TGM6: variants seen among roughly 807,000 people sequenced by gnomAD.
The protein encoded by TGM6 is protein-glutamine gamma-glutamyltransferase 6.
A neutral mutation model predicts 77.5 loss-of-function variants in TGM6; 74 were observed. The ratio of observed to expected loss-of-function variants is 0.96; its 90% CI spans 0.79 to 1.16. The LOEUF is 1.16. Among genes scored for constraint, TGM6 ranks in the 50% most tolerant of loss-of-function variants. The pLI, the probability that TGM6 is intolerant of heterozygous loss-of-function variation, is 0.00. For missense variants in TGM6, 968 were observed against 940.2 expected, an observed-to-expected ratio of 1.03 and a Z score of -0.39; for synonymous variants, 383 against 378.9, an observed-to-expected ratio of 1.01 and a Z score of -0.12.
At chr20:2,398,142 T>C in intron 5 of TGM6, 96 bp downstream of exon 5, 1 of 1,600,296 alleles carries the variant, frequency 6.2e-7, no homozygotes, top group Non-Finnish European at 8.5e-7. Flanking sequence ...CACCCCTTGT[T>C]TTAATTCGCT....
In TGM6 at chr20:2,397,928, A is replaced by G; in HGVS notation, c.554A>G (p.Asp185Gly). 1 of 1,614,076 alleles carries G rather than the reference A, an allele frequency of 6.2e-7. No individual in the cohort carries two copies. Among genetic ancestry groups the G allele is most frequent in the South Asian group, 1.1e-5 (1 of 91,078 alleles). ...CTCTCTGGGGAGCAGTTTGAGGAGG[A>G]CATCCTGAACATCTGCCTCTCCATC... Reference protein sequence around the residue: ...QGWNYGQFEEDILNICLSILD... With the variant: ...QGWNYGQFEEGILNICLSILD... Residue 185 changes from aspartate to glycine, a missense_variant, in exon 5 of 13, where the codon GAC becomes GGC. Asp to Gly is a moderately conservative substitution (Grantham distance 94). Transcript: ENST00000202625.
At chr20:2,386,945 C>T (rs540821601) in intron 1 of TGM6, among the ~76,000 whole-genome samples, 2 of 152,288 alleles carry the variant, frequency 1.3e-5, no homozygotes, top group African/African-American at 4.8e-5. Flanking sequence ...CCAGCAACCT[C>T]GTCGTCTGCT....
intron 9 of TGM6, among the ~76,000 whole-genome samples, chr20:2,405,420 G>T (rs936066345): frequency 4.6e-5 from 7 of 152,186 alleles, no homozygotes; most frequent in African/African-American, 1.7e-4. Context: ...TGTGGTTTTG[G>T]CACTGGGACT....
At chr20:2,405,859 G>GGCTGTCTCCCACCT (rs1235565767) in intron 9 of TGM6, among the ~76,000 whole-genome samples, 2 of 152,160 alleles carry the variant, frequency 1.3e-5, no homozygotes, top group African/African-American at 4.8e-5. Flanking sequence ...AGTCTTGACT[G>GGCTGTCTCCCACCT]GCTGTCTCCC....
At chr20:2,426,972 C>A (rs2084891992) in intron 10 of TGM6, among the ~76,000 whole-genome samples, 1 of 152,056 alleles carries the variant, frequency 6.6e-6, no homozygotes, top group South Asian at 2.1e-4. Flanking sequence ...CTTGCAATGT[C>A]TTTGTCTGGT....
At chr20:2,425,647 G>A (rs2084882894) in intron 10 of TGM6, among the ~76,000 whole-genome samples, 1 of 151,936 alleles carries the variant, frequency 6.6e-6, no homozygotes, top group African/African-American at 2.4e-5. Flanking sequence ...ATGTACAATT[G>A]TACAATTGTA....
chr20:2,428,170 G>A (rs1297418454), intron 10 of TGM6, among the ~76,000 whole-genome samples: 4 of 152,076 alleles, frequency 2.6e-5, no homozygotes, highest in Non-Finnish European at 5.9e-5. Context: ...TTTTTGGTGA[G>A]TGCTCCGTGT....
In TGM6 at chr20:2,417,347, C is replaced by T. The variant is rs142748417; in HGVS notation, c.1452C>T (p.Asp484=). ...CTGGGGGTCGCTGTCTCTGGCGTGACGACCTCCTGGAGCCTGCCACCAAGC... is the reference window on the plus strand; with the variant it reads ...CTGGGGGTCGCTGTCTCTGGCGTGATGACCTCCTGGAGCCTGCCACCAAGC... ...RRAGGRCLWR[D]DLLEPATKPS... Residue 484 remains aspartate (D), a synonymous_variant, in exon 10 of 13, where the codon GAC becomes GAT. Transcript: ENST00000202625. The T allele has an allele frequency of 4.2e-4, 682 of 1,613,890 alleles. 1 individual carries two copies. The highest frequency in any genetic ancestry group is 5.3e-4 in the Non-Finnish European group (627 of 1,179,992).
At chr20:2,420,509 G>A (rs893716827) in intron 10 of TGM6, among the ~76,000 whole-genome samples, 8 of 152,142 alleles carry the variant, frequency 5.3e-5, no homozygotes, top group Admixed American at 3.9e-4. Flanking sequence ...GTTAATATTA[G>A]GGTTCACTCT....
rs762983124 is a variant in TGM6, at chr20:2,394,506, A to G, written c.62A>G (p.His21Arg). The change falls in exon 2 of 13, where the codon CAC becomes CGC. Residue 21 changes from histidine to arginine, a missense_variant. His to Arg is a conservative substitution (Grantham distance 29, BLOSUM62 0). Coordinates refer to ENST00000202625, the MANE Select transcript of TGM6 (RefSeq NM_198994.3). Reference protein sequence around the residue: ...WQRSRNGAAHHTQEYPCPELV... With the variant: ...WQRSRNGAAHRTQEYPCPELV... ...CGGTCGAGGAATGGCGCTGCCCACC[A>G]CACCCAGGAGTACCCCTGCCCTGAG... 1.2e-6 allele frequency: 2 copies of G among 1,611,596 alleles called. No homozygotes were observed. Among genetic ancestry groups the G allele is most frequent in the Non-Finnish European group, 1.7e-6 (2 of 1,179,784 alleles).
At chr20:2,396,175 T>C (rs374964135) in intron 3 of TGM6, among the ~76,000 whole-genome samples, 8 of 83,400 alleles carry the variant, frequency 9.6e-5, no homozygotes, top group African/African-American at 2.6e-4. Context: ...AGCAAAACTC[T>C]ATCTCAAAAA....
At chr20:2,382,881 A>T (rs1190534506) in intron 1 of TGM6, among the ~76,000 whole-genome samples, 2 of 152,160 alleles carry the variant, frequency 1.3e-5, no homozygotes, top group East Asian at 1.9e-4. Context: ...CTCTTTAAGT[A>T]CCAGTTGATC....
chr20:2,412,260 T>C (rs944367564), intron 9 of TGM6, among the ~76,000 whole-genome samples: 2 of 152,204 alleles, frequency 1.3e-5, no homozygotes, highest in African/African-American at 2.4e-5. Context: ...TGAGGCCGCT[T>C]ATATCTATGA....
At chr20:2,423,588 A>G (rs888498285) in intron 10 of TGM6, among the ~76,000 whole-genome samples, 1 of 152,282 alleles carries the variant, frequency 6.6e-6, no homozygotes, top group East Asian at 1.9e-4. Context: ...CCTGCATTGA[A>G]ATCTTGAATG....
chr20:2,396,180 C>A (rs1333546413), intron 3 of TGM6, among the ~76,000 whole-genome samples: 11 of 126,796 alleles, frequency 8.7e-5, no homozygotes, highest in South Asian at 2.5e-4. Context: ...AACTCTATCT[C>A]AAAAAAAAAA....
At chr20:2,400,955 C>T (rs2084704815) in intron 7 of TGM6, among the ~76,000 whole-genome samples, 1 of 152,120 alleles carries the variant, frequency 6.6e-6, no homozygotes, top group Non-Finnish European at 1.5e-5. Flanking sequence ...AGGAGAATTG[C>T]TTGAACCCAG....
At chr20:2,424,474 C>T (rs529002902) in intron 10 of TGM6, among the ~76,000 whole-genome samples, 4 of 152,198 alleles carry the variant, frequency 2.6e-5, no homozygotes, top group Non-Finnish European at 5.9e-5. Context: ...AGCTTCCTAA[C>T]ATCTCTCAAT....
At chr20:2,399,799 A>T (rs898919511) in intron 6 of TGM6, 61 bp downstream of exon 6, 2 of 1,421,370 alleles carry the variant, frequency 1.4e-6, no homozygotes, top group African/African-American at 2.9e-5. Context: ...ATCTAAATGT[A>T]TTTACATATA....
At chr20:2,398,130 A>G in intron 5 of TGM6, 84 bp downstream of exon 5, 1 of 1,608,318 alleles carries the variant, frequency 6.2e-7, no homozygotes. Flanking sequence ...GATTCTTCCC[A>G]TCACCCCTTG....
Sources: allele counts gnomAD v4.1 joint callset (sites outside exome capture counted in the v4.1 genomes callset), GRCh38; gene constraint gnomAD v4.1.1; transcripts MANE v1.5; gene names NCBI Gene and HGNC (gene_info 2026-07-23, HGNC 2026-07-21).